SYNE1: variants seen among roughly 807,000 people sequenced by gnomAD.
SYNE1 encodes spectrin repeat containing nuclear envelope protein 1, also known as nesprin-1.
SYNE1 carries 616 observed loss-of-function variants against 1,111.0 expected under a neutral mutation model. The ratio of observed to expected loss-of-function variants is 0.55; its 90% CI spans 0.52 to 0.59. SYNE1 has a LOEUF of 0.59. Among genes scored for constraint, SYNE1 ranks in the 20% least tolerant of loss-of-function variants. The pLI, the probability that SYNE1 is intolerant of heterozygous loss-of-function variation, is 0.00. For missense variants in SYNE1, 10,006 were observed against 10,417.0 expected (o/e 0.96, Z 1.72); for synonymous variants, 3,855 against 3,825.8 (o/e 1.01, Z -0.28).
At chr6:152,379,776 T>G (rs114499022) in intron 56 of SYNE1, among the ~76,000 whole-genome samples, 2 of 152,192 alleles carry the variant, frequency 1.3e-5, no homozygotes, top group African/African-American at 4.8e-5. Context: ...TGCATTCTCA[T>G]GTATATTTTT....
intron 105 of SYNE1, among the ~76,000 whole-genome samples, chr6:152,246,003 G>A (rs1335618794): frequency 6.6e-6 from 1 of 152,116 alleles, no homozygotes; most frequent in African/African-American, 2.4e-5. Flanking sequence ...TTCTCTCCCT[G>A]GGGCAAGAAG....
At chr6:152,482,780 T>C (rs996972754) in intron 14 of SYNE1, among the ~76,000 whole-genome samples, 2 of 152,082 alleles carry the variant, frequency 1.3e-5, no homozygotes, top group African/African-American at 4.8e-5. Context: ...ATTATGTAAA[T>C]GCATACCATC....
rs1480694776 is a variant in SYNE1, at chr6:152,596,266, G to GTTTTTTTTTTTTTTTTTTTTTT, written c.67+31998_67+31999insAAAAAAAAAAAAAAAAAAAAAA. On this transcript the variant is annotated intron_variant, in intron 3 of 145. Coordinates refer to ENST00000367255, the MANE Select transcript of SYNE1 (RefSeq NM_182961.4). ...AAGTTATGATTACAGTTTTTTGTTT[G>GTTTTTTTTTTTTTTTTTTTTTT]TTTGTTTTTTTTTTTTTTTGAGATG... is the stretch of plus-strand genomic sequence containing the variant. 1.7e-5 allele frequency among the ~76,000 whole-genome samples: 2 copies of GTTTTTTTTTTTTTTTTTTTTTT among 118,756 alleles called. 1 individual carries two copies. Among genetic ancestry groups the GTTTTTTTTTTTTTTTTTTTTTT allele is most frequent in the African/African-American group, 8.0e-5 (2 of 25,040 alleles). The allele number at this position is 118,756 out of a possible 152,430, so 77.9% of individuals were successfully genotyped here. A position where few individuals can be genotyped will look rare whatever the true frequency, so the allele number is the denominator to read the frequency against.
chr6:152,344,294 T>C lies in SYNE1; in HGVS notation c.12079-67A>G, dbSNP rs1398402527. On this transcript the variant is annotated intron_variant, in intron 73 of 145. Coordinates refer to ENST00000367255, the MANE Select transcript of SYNE1 (RefSeq NM_182961.4). ...CTACCTCTATAAAGATCATTCAAAT[T>C]CAATGAAACATGACCAGTACATCTA... is the stretch of plus-strand genomic sequence containing the variant. The C allele has an allele frequency of 5.0e-6, 8 of 1,603,504 alleles. No individual in the cohort carries two copies. The African/African-American group carries it at 8.1e-5, about 16-fold the overall frequency.
chr6:152,451,010 T>C (rs937558614), intron 26 of SYNE1, 37 bp downstream of exon 26: 1 of 1,613,590 alleles, frequency 6.2e-7, no homozygotes, highest in African/African-American at 1.3e-5. Context: ...CAATGTGACT[T>C]GACACGGCTA....
intron 95 of SYNE1, among the ~76,000 whole-genome samples, chr6:152,289,145 C>CAG (rs2094463785): frequency 6.6e-6 from 1 of 152,164 alleles, no homozygotes; most frequent in Non-Finnish European, 1.5e-5. Flanking sequence ...AATATGTCTT[C>CAG]AGTCCCATAA....
At chr6:152,225,666 T>C in intron 116 of SYNE1, 55 bp downstream of exon 116, 3 of 1,611,476 alleles carry the variant, frequency 1.9e-6, no homozygotes, top group Admixed American at 3.3e-5. Context: ...AACCCAGAGT[T>C]TGGACAGAGC....
chr6:152,298,599 T>C (rs184944654), intron 93 of SYNE1, among the ~76,000 whole-genome samples: 194 of 151,918 alleles, frequency 1.3e-3, no homozygotes, highest in East Asian at 1.7e-3. Flanking sequence ...TATAAAGCAG[T>C]TCTATTTGGC....
chr6:152,576,316 G>C (rs989072858), intron 3 of SYNE1, among the ~76,000 whole-genome samples: 1 of 152,182 alleles, frequency 6.6e-6, no homozygotes, highest in Non-Finnish European at 1.5e-5. Flanking sequence ...ACATAGCACA[G>C]TCTTGGTTTT....
At chr6:152,386,153 G>A (rs1412619803) in intron 54 of SYNE1, among the ~76,000 whole-genome samples, 2 of 152,044 alleles carry the variant, frequency 1.3e-5, no homozygotes, top group Non-Finnish European at 2.9e-5. Flanking sequence ...TCTAATTAAA[G>A]CAATTATTTG....
In SYNE1 at chr6:152,121,893, T is replaced by C. The variant is rs2051469894; in HGVS notation, c.*543A>G. The stretch of plus-strand genomic sequence containing the variant: ...CTTTTAGATTTACAGCTTGTGCTTC[T>C]AAAGCAAAGGTTAAAACATCATGCC... On this transcript the variant is annotated 3_prime_UTR_variant, in exon 146 of 146. Transcript: ENST00000367255. The C allele has an allele frequency of 6.4e-6, 1 of 155,688 alleles. No homozygotes were observed. The highest frequency in any genetic ancestry group is 1.4e-5 in the Non-Finnish European group (1 of 69,820). The allele number at this position is 155,688 out of a possible 1,614,324, so 9.6% of individuals were successfully genotyped here.
intron 62 of SYNE1, among the ~76,000 whole-genome samples, 170 bp from the exon 63 acceptor site, chr6:152,365,189 T>A (rs2097048177): frequency 2.6e-5 from 4 of 152,198 alleles, no homozygotes; most frequent in Admixed American, 2.6e-4. Context: ...TGAATGCCAG[T>A]CACCAGCTAC....
intron 6 of SYNE1, among the ~76,000 whole-genome samples, chr6:152,519,087 T>A (rs2099126766): frequency 1.3e-5 from 2 of 151,950 alleles, no homozygotes; most frequent in Admixed American, 1.3e-4. Context: ...TGTATACATA[T>A]GTAACAAACC....
At chr6:152,327,734 T>G (rs138079140) in intron 78 of SYNE1, among the ~76,000 whole-genome samples, 2 of 152,160 alleles carry the variant, frequency 1.3e-5, no homozygotes, top group African/African-American at 4.8e-5. Context: ...CTTAGTAGAT[T>G]TAAGAGTTTG....
intron 3 of SYNE1, among the ~76,000 whole-genome samples, chr6:152,552,524 C>T (rs1029201769): frequency 6.6e-6 from 1 of 151,272 alleles, no homozygotes; most frequent in African/African-American, 2.4e-5. Context: ...CACAATTTCA[C>T]CTATATTTTA....
intron 58 of SYNE1, 152 bp downstream of exon 58, chr6:152,376,229 G>T: frequency 1.4e-6 from 1 of 721,826 alleles, no homozygotes; most frequent in Non-Finnish European, 2.4e-6. Flanking sequence ...AACGCTCATT[G>T]GCCTGCTGCT....
At chr6:152,348,233 T>C (rs942612338) in intron 72 of SYNE1, among the ~76,000 whole-genome samples, 5 of 152,176 alleles carry the variant, frequency 3.3e-5, no homozygotes. Context: ...ATGAGGAAAC[T>C]GAATCACAGT....
At chr6:152,501,012 G>T (rs902817441) in intron 10 of SYNE1, among the ~76,000 whole-genome samples, 2 of 150,364 alleles carry the variant, frequency 1.3e-5, no homozygotes, top group African/African-American at 2.4e-5. Flanking sequence ...ACTCTTCATT[G>T]TCATCTCAAA....
At chr6:152,453,428 G>T in intron 25 of SYNE1, 158 bp downstream of exon 25, 1 of 938,070 alleles carries the variant, frequency 1.1e-6, no homozygotes, top group Non-Finnish European at 1.7e-6. Flanking sequence ...TATATTATCA[G>T]GTTTTATTTA....
Sources: gnomAD v4.1 joint callset for allele counts (sites outside exome capture counted in the v4.1 genomes callset) on GRCh38, gnomAD v4.1.1 for gene constraint, MANE v1.5 for transcripts, NCBI Gene and HGNC (gene_info 2026-07-23, HGNC 2026-07-21) for gene names.